NDST4: variants seen among roughly 807,000 people sequenced by gnomAD.
The protein encoded by NDST4 is N-deacetylase and N-sulfotransferase 4, also known as N-heparan sulfate sulfotransferase 4.
In NDST4, 63 loss-of-function variants were observed where a neutral mutation model predicts 100.8. The observed-to-expected ratio is 0.62, with a 90% CI of 0.51 to 0.77. The LOEUF (loss-of-function observed/expected upper bound fraction) is 0.77, where lower values mean the gene tolerates loss of function less well. Among genes scored for constraint, NDST4 ranks in the 30% least tolerant of loss-of-function variants. NDST4 has a pLI of 0.00. For missense variants in NDST4, 943 were observed against 1,018.4 expected (o/e 0.93, Z 1.01); for synonymous variants, 377 against 361.8 (o/e 1.04, Z -0.48).
intron 6 of NDST4, among the ~76,000 whole-genome samples, chr4:114,923,411 A>T (rs1560814394): frequency 1.3e-5 from 2 of 152,204 alleles, no homozygotes. Context: ...AAAAGAAACA[A>T]GACATATTGA....
chr4:115,069,520 T>C (rs148200742), intron 2 of NDST4, among the ~76,000 whole-genome samples: 2,731 of 151,846 alleles, frequency 0.018, 42 homozygotes, highest in South Asian at 0.048. Flanking sequence ...TTCAAAAGTA[T>C]ACATACATGC....
intron 8 of NDST4, among the ~76,000 whole-genome samples, chr4:114,848,799 C>T (rs948892777): frequency 6.6e-5 from 10 of 152,136 alleles, no homozygotes; most frequent in Admixed American, 1.3e-4. Flanking sequence ...TGTGTATGGT[C>T]CGGAAGTAAC....
intron 6 of NDST4, among the ~76,000 whole-genome samples, chr4:114,933,023 G>A (rs748871335): frequency 3.3e-5 from 5 of 152,052 alleles, no homozygotes; most frequent in Non-Finnish European, 5.9e-5. Context: ...AAGCAATCTT[G>A]AGAAACAAGA....
intron 2 of NDST4, among the ~76,000 whole-genome samples, chr4:115,059,655 T>C (rs1728777483): frequency 6.6e-6 from 1 of 152,100 alleles, no homozygotes; most frequent in Non-Finnish European, 1.5e-5. Flanking sequence ...CCGCTTTTTC[T>C]AGTCTTTCAC....
intron 6 of NDST4, among the ~76,000 whole-genome samples, chr4:114,898,168 A>G (rs2126208905): frequency 6.6e-6 from 1 of 152,284 alleles, no homozygotes; most frequent in African/African-American, 2.4e-5. Flanking sequence ...GCTATCTTCT[A>G]GGAGTTTTAT....
At chr4:114,834,509 A>G in intron 11 of NDST4, among the ~76,000 whole-genome samples, 1 of 119,788 alleles carries the variant, frequency 8.3e-6, no homozygotes, top group African/African-American at 4.3e-5. Flanking sequence ...GCGAGACTCC[A>G]TCTCAAAAAA....
rs373580589 is a variant in NDST4, at chr4:115,104,731, A to C, written c.-247+8713T>G. On this transcript the variant is annotated intron_variant, in intron 1 of 13. Transcript: ENST00000264363. The stretch of plus-strand genomic sequence containing the variant: ...AGTTAGATTCAATGTTATTAATATT[A>C]AAATATATGATCAACAATACAGTAG... 5.3e-5 allele frequency among the ~76,000 whole-genome samples: 8 copies of C among 152,222 alleles called. No individual in the cohort carries two copies. The East Asian group carries it at 1.2e-3, about 22-fold the overall frequency.
At chr4:114,929,445 T>C (rs1725466805) in intron 6 of NDST4, among the ~76,000 whole-genome samples, 1 of 152,162 alleles carries the variant, frequency 6.6e-6, no homozygotes, top group Admixed American at 6.5e-5. Flanking sequence ...TGCTATCTTA[T>C]CCATACTATC....
At chr4:115,095,020 A>G (rs528515874) in intron 1 of NDST4, among the ~76,000 whole-genome samples, 1 of 152,250 alleles carries the variant, frequency 6.6e-6, no homozygotes, top group South Asian at 2.1e-4. Flanking sequence ...TTAAAAATTC[A>G]TCAAGGCTCC....
intron 2 of NDST4, among the ~76,000 whole-genome samples, chr4:115,047,793 A>G (rs1339662591): frequency 6.6e-6 from 1 of 152,158 alleles, no homozygotes; most frequent in Non-Finnish European, 1.5e-5. Flanking sequence ...ATATCTATGT[A>G]CCTATATCCT....
chr4:114,977,891 C>T (rs1405773690), intron 2 of NDST4, among the ~76,000 whole-genome samples: 2 of 151,836 alleles, frequency 1.3e-5, no homozygotes. Flanking sequence ...CAGAAATTTT[C>T]TAAATGTGAC....
At chr4:115,080,762 A>G (rs1392074154) in intron 1 of NDST4, among the ~76,000 whole-genome samples, 1 of 151,994 alleles carries the variant, frequency 6.6e-6, no homozygotes, top group Non-Finnish European at 1.5e-5. Flanking sequence ...TATTAATCTT[A>G]TATCAATTCT....
intron 6 of NDST4, among the ~76,000 whole-genome samples, chr4:114,892,408 T>C (rs774465426): frequency 2.6e-5 from 4 of 152,174 alleles, no homozygotes; most frequent in Non-Finnish European, 5.9e-5. Context: ...CTATTAGCCG[T>C]AGTATCTATT....
chr4:114,848,401 TA>T lies in NDST4; in HGVS notation c.1817-64del, dbSNP rs1723601989. Reference sequence around the variant, plus strand: ...TAAGAGACAAAATATTATTTTAGCATATTTTTGCTCAAAAAGTAATATTAAA... The same window carrying T: ...TAAGAGACAAAATATTATTTTAGCATTTTTTGCTCAAAAAGTAATATTAAA... On this transcript the variant is annotated intron_variant, in intron 8 of 13. Coordinates refer to ENST00000264363, the MANE Select transcript of NDST4 (RefSeq NM_022569.3). 3 of 1,292,560 alleles carry T rather than the reference TA, an allele frequency of 2.3e-6. No homozygotes were observed. The Admixed American group carries it at 7.5e-5, about 33-fold the overall frequency. 80.1% of individuals were successfully genotyped at this position (1,292,560 alleles called of 1,614,324 possible).
chr4:114,853,773 T>G (rs899318718), intron 7 of NDST4, among the ~76,000 whole-genome samples: 1 of 152,194 alleles, frequency 6.6e-6, no homozygotes, highest in African/African-American at 2.4e-5. Context: ...TTATGGTTCA[T>G]ATTTCTGTAC....
intron 2 of NDST4, among the ~76,000 whole-genome samples, chr4:115,016,981 G>A (rs761792987): frequency 7.7e-4 from 115 of 150,046 alleles, no homozygotes; most frequent in Non-Finnish European, 1.4e-3. Context: ...TTTGTTTTGA[G>A]TGTTCATGTG....
intron 10 of NDST4, among the ~76,000 whole-genome samples, chr4:114,841,321 A>G (rs1379181615): frequency 6.6e-6 from 1 of 152,212 alleles, no homozygotes; most frequent in East Asian, 1.9e-4. Flanking sequence ...GAGTTTCTGA[A>G]TTATGCCTGC....
chr4:114,845,955 G>A lies in NDST4; in HGVS notation c.1983C>T (p.Asp661=), dbSNP rs1723540474. 1 of 1,613,768 alleles carries A rather than the reference G, an allele frequency of 6.2e-7. No homozygotes were observed. Among genetic ancestry groups the A allele is most frequent in the Non-Finnish European group, 8.5e-7 (1 of 1,179,812 alleles). The change falls in exon 10 of 14, where the codon GAC becomes GAT. Residue 661 remains aspartate, a synonymous_variant. Transcript: ENST00000264363. Reference sequence around the variant, plus strand: ...AATTAGCACTCTTTTCAAACAGAAAGTCACTTGTAGTATTGGATGGTGTAG... The same window carrying A: ...AATTAGCACTCTTTTCAAACAGAAAATCACTTGTAGTATTGGATGGTGTAG... ...FFPTPSNTTS[D]FLFEKSANYF... is the part of the protein sequence containing the mutation.
intron 4 of NDST4, among the ~76,000 whole-genome samples, chr4:114,968,161 AG>A (rs1434383131): frequency 6.6e-6 from 1 of 152,196 alleles, no homozygotes; most frequent in Admixed American, 6.5e-5. Flanking sequence ...AGAGACTCAA[AG>A]AGTGATGAGC....
Sources: allele counts gnomAD v4.1 joint callset (sites outside exome capture counted in the v4.1 genomes callset), GRCh38; gene constraint gnomAD v4.1.1; transcripts MANE v1.5; gene names NCBI Gene and HGNC (gene_info 2026-07-23, HGNC 2026-07-21).